Variants in MSH3 observed in about 807,000 individuals in gnomAD.
MSH3 encodes the protein DNA mismatch repair protein Msh3.
In MSH3, 106 loss-of-function variants were observed where a neutral mutation model predicts 123.3. That is an observed-to-expected ratio of 0.86 (90% CI 0.73 to 1.01). The LOEUF (loss-of-function observed/expected upper bound fraction) is 1.01. MSH3 is among the 50% of genes least tolerant of loss of function. The probability of loss-of-function intolerance (pLI) is 0.00; values close to 1 mark genes in which losing one functional copy is unlikely to be tolerated. For synonymous variants in MSH3, 515 were observed against 481.4 expected (o/e 1.07, Z -0.91); for missense variants, 1,459 against 1,347.6 (o/e 1.08, Z -1.29).
At chr5:80,773,415 G>A (rs1744245755) in intron 15 of MSH3, among the ~76,000 whole-genome samples, 1 of 152,152 alleles carries the variant, frequency 6.6e-6, no homozygotes, top group Non-Finnish European at 1.5e-5. Flanking sequence ...ATTTAAGTGG[G>A]TGTGGCAGAT....
At chr5:80,808,873 A>ATATG (rs1554074173) in intron 19 of MSH3, among the ~76,000 whole-genome samples, 5 of 137,044 alleles carry the variant, frequency 3.6e-5, no homozygotes, top group African/African-American at 1.4e-4. Context: ...ATATATATAT[A>ATATG]TATATATATA....
At chr5:80,830,124 T>C (rs1289351390) in intron 20 of MSH3, among the ~76,000 whole-genome samples, 1 of 152,220 alleles carries the variant, frequency 6.6e-6, no homozygotes, top group African/African-American at 2.4e-5. Flanking sequence ...CTCTCTTTTT[T>C]TCTTAGCCAA....
Position 80,667,349 on chromosome 5 carries a change from C to T in MSH3, c.579+1986C>T, listed in dbSNP as rs143168656. On this transcript the variant is annotated intron_variant, in intron 3 of 23. Coordinates refer to ENST00000265081, the MANE Select transcript of MSH3 (RefSeq NM_002439.5). ...AAAGTCATGGAAACAAAATAGGAAA[C>T]TCATCAAAATTAAAAGCAAAGGCAT... Among the ~76,000 whole-genome samples, 1,144 of 152,216 alleles carry T rather than the reference C, an allele frequency of 7.5e-3. 15 individuals are homozygous for T. The highest frequency in any genetic ancestry group is 0.025 in the African/African-American group (1,042 of 41,518).
intron 8 of MSH3, among the ~76,000 whole-genome samples, chr5:80,705,936 T>C (rs186945286): frequency 2.0e-5 from 3 of 152,344 alleles, no homozygotes; most frequent in Admixed American, 2.0e-4. Flanking sequence ...GACTTCCACA[T>C]TTGAATGTTA....
At chr5:80,729,430 A>AAAT (rs1491210653) in intron 10 of MSH3, among the ~76,000 whole-genome samples, 1 of 78,376 alleles carries the variant, frequency 1.3e-5, no homozygotes, top group Non-Finnish European at 2.3e-5. Flanking sequence ...AAAAAAAAAA[A>AAAT]TGTGTGTGTG....
At chr5:80,847,340 C>G (rs1294815236) in intron 20 of MSH3, among the ~76,000 whole-genome samples, 1 of 151,062 alleles carries the variant, frequency 6.6e-6, no homozygotes, top group Admixed American at 6.6e-5. Context: ...GATTATAGGC[C>G]ACTGCACCTG....
rs1299382957 is a variant in MSH3 at position 80,672,340 on chromosome 5, C to G, written c.889C>G (p.Leu297Val). Residue 297 changes from leucine (L) to valine (V), a missense_variant, in exon 5 of 24, where the codon CTG (leucine) becomes GTG (valine). Coordinates refer to ENST00000265081, the MANE Select transcript of MSH3 (RefSeq NM_002439.5). ...CAGACTGTTTGTTCATGTACGCCGC[C>G]TGGTGGCAAAAGGATATAAGGTCAG... Reference protein sequence around the residue: ...THRLFVHVRRLVAKGYKVGVV... With the variant: ...THRLFVHVRRVVAKGYKVGVV... 1.9e-6 allele frequency: 3 copies of G among 1,613,620 alleles called. No homozygotes were observed. The highest frequency in any genetic ancestry group is 2.5e-6 in the Non-Finnish European group (3 of 1,179,554).
At chr5:80,789,571 A>C (rs960454734) in intron 18 of MSH3, among the ~76,000 whole-genome samples, 1 of 152,096 alleles carries the variant, frequency 6.6e-6, no homozygotes, top group Non-Finnish European at 1.5e-5. Flanking sequence ...GGGTTTTACC[A>C]TGTTGGCCAG....
chr5:80,721,477 A>G (rs538742943), intron 8 of MSH3, among the ~76,000 whole-genome samples: 56 of 152,274 alleles, frequency 3.7e-4, no homozygotes, highest in African/African-American at 1.2e-3. Flanking sequence ...AAAATGTCCT[A>G]CTGTGCTTTC....
chr5:80,771,942 A>G (rs915059206), intron 15 of MSH3, among the ~76,000 whole-genome samples: 2 of 152,338 alleles, frequency 1.3e-5, no homozygotes, highest in African/African-American at 2.4e-5. Flanking sequence ...AATAATGTAC[A>G]TACATTATTA....
At position 80,804,267 on chromosome 5, in the gene MSH3, A is replaced by G. The variant is rs556344828; in HGVS notation, c.2656-9317A>G. 1.2e-4 allele frequency among the ~76,000 whole-genome samples: 18 copies of G among 152,360 alleles called. No homozygotes were observed. The South Asian group carries it at 3.7e-3, about 32-fold the overall frequency. On this transcript the variant is annotated intron_variant, in intron 19 of 23. Coordinates refer to ENST00000265081, the MANE Select transcript of MSH3 (RefSeq NM_002439.5). ...TGTAGAGCCCTGGGACCTTGAATGAACATAGGTTGTAGTCAGACAGTGGTC... is the reference window on the plus strand; with the variant it reads ...TGTAGAGCCCTGGGACCTTGAATGAGCATAGGTTGTAGTCAGACAGTGGTC...
chr5:80,873,166 A>G lies in MSH3; in HGVS notation c.3181A>G (p.Arg1061Gly), dbSNP rs746782115. ...DFVTFLYQIT[R>G]GIAARSYGLN... ...TGTCACCTTCCTTTACCAAATAACT[A>G]GAGGAATTGCAGCAAGGAGTTATGG... The change falls in exon 23 of 24, where the codon AGA (arginine) becomes GGA (glycine). Residue 1061 changes from arginine (R) to glycine (G), a missense_variant. Transcript: ENST00000265081. The G allele has an allele frequency of 8.1e-5, 130 of 1,613,812 alleles. No homozygotes were observed. The East Asian group carries it at 2.3e-3, about 29-fold the overall frequency.
chr5:80,667,038 C>G (rs910524545), intron 3 of MSH3, among the ~76,000 whole-genome samples: 1 of 152,076 alleles, frequency 6.6e-6, no homozygotes, highest in African/African-American at 2.4e-5. Flanking sequence ...CCTCATGACA[C>G]AAGTTTTCCT....
chr5:80,668,296 C>T (rs1292898406), intron 3 of MSH3, among the ~76,000 whole-genome samples: 2 of 152,188 alleles, frequency 1.3e-5, no homozygotes, highest in Non-Finnish European at 2.9e-5. Context: ...AATTCTGGTT[C>T]GTCAGCCTGG....
At chr5:80,788,089 T>A (rs1170887139) in intron 18 of MSH3, among the ~76,000 whole-genome samples, 3 of 152,206 alleles carry the variant, frequency 2.0e-5, no homozygotes, top group South Asian at 2.1e-4. Context: ...CATCCCAACA[T>A]GGAATATTTA....
chr5:80,876,813 A>G lies in MSH3; in HGVS notation c.*951A>G, dbSNP rs1450284288. On this transcript the variant is annotated 3_prime_UTR_variant, in exon 24 of 24. Coordinates refer to ENST00000265081, the MANE Select transcript of MSH3 (RefSeq NM_002439.5). ...AATAAATATTTAATGAATACTTGCT[A>G]TAGATGATGGTATGTCCCATTGAAT... Among the ~76,000 whole-genome samples the G allele has an allele frequency of 6.6e-6, 1 of 152,194 alleles. No homozygotes were observed. The highest frequency in any genetic ancestry group is 1.5e-5 in the Non-Finnish European group (1 of 68,028).
chr5:80,687,624 GGC>G (rs1200547226), intron 8 of MSH3, among the ~76,000 whole-genome samples: 1 of 152,124 alleles, frequency 6.6e-6, no homozygotes, highest in Non-Finnish European at 1.5e-5. Context: ...TGAGGTCTGA[GGC>G]ACACAGGCTG....
At chr5:80,734,712 CG>C (rs1445377188) in intron 10 of MSH3, among the ~76,000 whole-genome samples, 1 of 152,112 alleles carries the variant, frequency 6.6e-6, no homozygotes, top group African/African-American at 2.4e-5. Context: ...GGTCCCTAAA[CG>C]CCTTTGAGGA....
intron 22 of MSH3, among the ~76,000 whole-genome samples, chr5:80,867,409 C>T (rs1335664188): frequency 6.6e-6 from 1 of 152,170 alleles, no homozygotes; most frequent in Admixed American, 6.5e-5. Flanking sequence ...CAGATGCCTT[C>T]CAGTATCTCA....
Sources: gnomAD v4.1 joint callset for allele counts (sites outside exome capture counted in the v4.1 genomes callset) on GRCh38, gnomAD v4.1.1 for gene constraint, MANE v1.5 for transcripts, NCBI Gene and HGNC (gene_info 2026-07-23, HGNC 2026-07-21) for gene names.